The following RBFOX3 variants were observed in gnomAD, a reference collection of about 807,000 sequenced individuals.
RBFOX3 encodes the protein RNA binding fox-1 homolog 3.
A neutral mutation model predicts 48.7 loss-of-function variants in RBFOX3; 17 were observed. The ratio of observed to expected loss-of-function variants is 0.35; its 90% CI spans 0.24 to 0.52. RBFOX3 has a LOEUF of 0.52. Ranked by LOEUF, RBFOX3 falls within the 20% of genes least tolerant of loss-of-function variation. RBFOX3 has a pLI of 0.94. For synonymous variants in RBFOX3, 212 were observed against 209.5 expected (o/e 1.01, Z -0.10); for missense variants, 382 against 497.5 (o/e 0.77, Z 2.21).
At chr17:79,411,314 C>T (rs113577563) in intron 2 of RBFOX3, among the ~76,000 whole-genome samples, 4,187 of 152,214 alleles carry the variant, frequency 0.028, 102 homozygotes, top group African/African-American at 0.066. Context: ...TCTGCTCACA[C>T]CAAATGCAAA....
chr17:79,118,953 G>T (rs2034899046), intron 4 of RBFOX3, among the ~76,000 whole-genome samples: 1 of 148,528 alleles, frequency 6.7e-6, no homozygotes, highest in South Asian at 2.1e-4. Context: ...TCCAGCCAGG[G>T]TGACAGAGGA....
intron 4 of RBFOX3, among the ~76,000 whole-genome samples, chr17:79,126,422 G>A (rs758966839): frequency 2.0e-5 from 3 of 152,184 alleles, no homozygotes; most frequent in Non-Finnish European, 2.9e-5. Context: ...AGATCCTGGA[G>A]GAATCTGGTG....
At chr17:79,183,201 G>A (rs910448266) in intron 4 of RBFOX3, 1 of 148,962 alleles carries the variant, frequency 6.7e-6, no homozygotes, top group African/African-American at 2.4e-5. Context: ...GCGGGGCGTG[G>A]GCGGCAGCGC....
intron 1 of RBFOX3, among the ~76,000 whole-genome samples, chr17:79,544,975 CAAAAA>C (rs10584963): frequency 2.7e-4 from 22 of 81,616 alleles, no homozygotes; most frequent in East Asian, 1.1e-3. Flanking sequence ...TCATTAAGGG[CAAAAA>C]AAAAAAAAAA....
the RBFOX3 span, among the ~76,000 whole-genome samples, chr17:79,628,980 G>A: frequency 6.6e-6 from 1 of 152,228 alleles, no homozygotes; most frequent in Non-Finnish European, 1.5e-5. Context: ...TTTGCCCAAA[G>A]AAAGGAGTAG....
intron 4 of RBFOX3, among the ~76,000 whole-genome samples, chr17:79,176,081 G>A (rs2050473684): frequency 6.6e-6 from 1 of 152,224 alleles, no homozygotes; most frequent in Admixed American, 6.5e-5. Flanking sequence ...AGGGCCTACT[G>A]TGGTGCTTGG....
chr17:79,310,503 C>G (rs952527266), intron 2 of RBFOX3, among the ~76,000 whole-genome samples: 4 of 152,084 alleles, frequency 2.6e-5, no homozygotes, highest in African/African-American at 7.3e-5. Context: ...CCTCCCACCC[C>G]TCTCTTTTCT....
chr17:79,558,570 C>A (rs1254953414), intron 1 of RBFOX3, among the ~76,000 whole-genome samples: 2 of 152,080 alleles, frequency 1.3e-5, no homozygotes, highest in African/African-American at 4.8e-5. Flanking sequence ...TCCAAGGTGG[C>A]TTCGGGCCCC....
chr17:79,593,256 C>A (rs1707838900), intron 1 of RBFOX3, among the ~76,000 whole-genome samples: 1 of 152,212 alleles, frequency 6.6e-6, no homozygotes, highest in Non-Finnish European at 1.5e-5. Flanking sequence ...TCCTCCTTCT[C>A]CCAGCTCTTT....
intron 2 of RBFOX3, among the ~76,000 whole-genome samples, chr17:79,380,679 C>A (rs1307964916): frequency 1.3e-5 from 2 of 152,176 alleles, no homozygotes; most frequent in Non-Finnish European, 2.9e-5. Context: ...CACTGAGAAC[C>A]AAGCTGAGCA....
chr17:79,228,307 C>T (rs1295973266), intron 4 of RBFOX3, among the ~76,000 whole-genome samples: 1 of 152,140 alleles, frequency 6.6e-6, no homozygotes, highest in Non-Finnish European at 1.5e-5. Flanking sequence ...AGGTGTGTGT[C>T]CTGCTCTCTG....
At chr17:79,504,880 G>A (rs1478417779) in intron 1 of RBFOX3, among the ~76,000 whole-genome samples, 2 of 152,178 alleles carry the variant, frequency 1.3e-5, no homozygotes, top group African/African-American at 2.4e-5. Flanking sequence ...ATATACAGAT[G>A]CGGACGTGCG....
chr17:79,387,902 TTG>T (rs769301028), intron 2 of RBFOX3, among the ~76,000 whole-genome samples: 2 of 147,374 alleles, frequency 1.4e-5, no homozygotes, highest in Non-Finnish European at 3.0e-5. Flanking sequence ...GAGTGTGTGA[TTG>T]TGTGTACGAG....
intron 2 of RBFOX3, among the ~76,000 whole-genome samples, chr17:79,411,857 G>T (rs996901560): frequency 3.3e-5 from 5 of 152,228 alleles, no homozygotes; most frequent in Non-Finnish European, 7.3e-5. Flanking sequence ...CCAATTAAAT[G>T]GAAAATATGG....
chr17:79,481,033 C>T lies in RBFOX3; in HGVS notation c.-175+1421G>A, dbSNP rs2078703707. ...GCTACGGCAAGAAGACCCCAAGGAG[C>T]CCTGGAGCAGAGAAGAGCACCCATG... On this transcript the variant is annotated intron_variant, in intron 2 of 14. Coordinates refer to ENST00000693108, the MANE Select transcript of RBFOX3 (RefSeq NM_001350451.2). This position sits in a 1 kb window ranked among gnomAD's most constrained non-coding sequence, Gnocchi z 5.4. 6.6e-6 allele frequency among the ~76,000 whole-genome samples: 1 copy of T among 152,118 alleles called. No homozygotes were observed. Among genetic ancestry groups the T allele is most frequent in the African/African-American group, 2.4e-5 (1 of 41,422 alleles).
At chr17:79,459,233 T>C (rs1340800647) in intron 2 of RBFOX3, among the ~76,000 whole-genome samples, 13 of 152,132 alleles carry the variant, frequency 8.5e-5, no homozygotes, top group African/African-American at 3.1e-4. Flanking sequence ...GTCACCTCTA[T>C]GGGGCCCTGG....
intron 3 of RBFOX3, among the ~76,000 whole-genome samples, chr17:79,287,117 G>A (rs2072112592): frequency 6.6e-6 from 1 of 152,258 alleles, no homozygotes; most frequent in South Asian, 2.1e-4. Flanking sequence ...TGGCAGACCA[G>A]TGACAGAGCC....
chr17:79,324,480 T>C (rs1370432730), intron 2 of RBFOX3, among the ~76,000 whole-genome samples: 1 of 152,160 alleles, frequency 6.6e-6, no homozygotes, highest in Non-Finnish European at 1.5e-5. Context: ...AGCCCTCCCA[T>C]TGGCAGTGCC....
intron 1 of RBFOX3, among the ~76,000 whole-genome samples, chr17:79,572,044 G>A (rs2092696399): frequency 6.6e-6 from 1 of 152,132 alleles, no homozygotes; most frequent in African/African-American, 2.4e-5. Context: ...AACCCTCCTG[G>A]GCATCCCGAG....
Sources: allele counts gnomAD v4.1 joint callset (sites outside exome capture counted in the v4.1 genomes callset), GRCh38; gene constraint gnomAD v4.1.1; non-coding constraint Gnocchi (gnomAD v3.1); transcripts MANE v1.5; gene names NCBI Gene and HGNC (gene_info 2026-07-23, HGNC 2026-07-21).